Variants in DENND4A observed in about 807,000 individuals in gnomAD.
DENND4A encodes C-myc promoter-binding protein.
DENND4A carries 70 observed loss-of-function variants against 199.3 expected under a neutral mutation model. That is an observed-to-expected ratio of 0.35 (90% confidence interval 0.29 to 0.43). The LOEUF is 0.43. Among genes scored for constraint, DENND4A ranks in the 20% least tolerant of loss-of-function variants. The pLI, the probability that DENND4A is intolerant of heterozygous loss-of-function variation, is 1.00. For missense variants in DENND4A, 1,723 were observed against 2,255.8 expected, an observed-to-expected ratio of 0.76 and a Z score of 4.78; for synonymous variants, 686 against 766.9, an observed-to-expected ratio of 0.89 and a Z score of 1.74.
intron 23 of DENND4A, among the ~76,000 whole-genome samples, chr15:65,682,396 G>A (rs2076609898): frequency 1.3e-5 from 2 of 152,168 alleles, no homozygotes; most frequent in Admixed American, 6.5e-5. Flanking sequence ...TAAACCTCAT[G>A]AGCCAACCTC....
chr15:65,742,968 C>T (rs1461943098), intron 4 of DENND4A, among the ~76,000 whole-genome samples: 1 of 152,076 alleles, frequency 6.6e-6, no homozygotes, highest in Admixed American at 6.6e-5. Flanking sequence ...ATTCCTTACA[C>T]AATCCATGCA....
rs71139423 is a variant in DENND4A at position 65,698,726 on chromosome 15, C to CTT, written c.2834-1345_2834-1344dup. ...AGGTTTTACACTATTTTAAGATAGC[C>CTT]TTTTTTTTTTTTTTTTTTTTTTTTT... On this transcript the variant is annotated intron_variant, in intron 20 of 32. Transcript: ENST00000443035. 6.0e-3 allele frequency among the ~76,000 whole-genome samples: 435 copies of CTT among 72,768 alleles called. 59 individuals carry two copies. The highest frequency in any genetic ancestry group is 7.6e-3 in the Non-Finnish European group (303 of 39,838). The allele number at this position is 72,768 out of a possible 152,430, so 47.7% of individuals were successfully genotyped here.
At chr15:65,765,577 A>G (rs1254804610) in intron 1 of DENND4A, among the ~76,000 whole-genome samples, 1 of 152,226 alleles carries the variant, frequency 6.6e-6, no homozygotes, top group African/African-American at 2.4e-5. Flanking sequence ...CACCTGTCTC[A>G]TCCTGATTTC....
chr15:65,731,358 A>G lies in DENND4A; in HGVS notation c.1166+284T>C, dbSNP rs114753216. ...CTTCAGAGGTTAATTAAAGCTAAAA[A>G]TAACTGTTCTCATCATCTACATACA... On this transcript the variant is annotated intron_variant, in intron 9 of 32. Transcript: ENST00000443035. 9.8e-4 allele frequency: 443 copies of G among 453,180 alleles called. 2 individuals are homozygous for G. The highest frequency in any genetic ancestry group is 7.8e-3 in the African/African-American group (392 of 50,426). The allele number at this position is 453,180 out of a possible 1,614,324, so 28.1% of individuals were successfully genotyped here. A position where few individuals can be genotyped will look rare whatever the true frequency, so the allele number is the denominator to read the frequency against.
intron 1 of DENND4A, among the ~76,000 whole-genome samples, chr15:65,765,947 T>C (rs2076972551): frequency 6.6e-6 from 1 of 152,144 alleles, no homozygotes; most frequent in African/African-American, 2.4e-5. Context: ...AAAACAATAC[T>C]TTCTTACAAA....
chr15:65,708,715 A>T (rs1423405500), intron 14 of DENND4A, among the ~76,000 whole-genome samples: 1 of 152,212 alleles, frequency 6.6e-6, no homozygotes, highest in Non-Finnish European at 1.5e-5. Context: ...ACAAGACATT[A>T]ATATGCTCAG....
intron 1 of DENND4A, among the ~76,000 whole-genome samples, chr15:65,768,676 T>G (rs2077045678): frequency 6.6e-6 from 1 of 152,100 alleles, no homozygotes; most frequent in Admixed American, 6.6e-5. Context: ...TCTGTATAGT[T>G]TTTCATTTTA....
At chr15:65,750,988 T>C (rs1475072961) in intron 4 of DENND4A, among the ~76,000 whole-genome samples, 1 of 152,154 alleles carries the variant, frequency 6.6e-6, no homozygotes, top group Non-Finnish European at 1.5e-5. Flanking sequence ...GGTCTGTTCT[T>C]GTATATCTAA....
At chr15:65,781,568 T>C (rs1335332582) in intron 1 of DENND4A, among the ~76,000 whole-genome samples, 2 of 151,968 alleles carry the variant, frequency 1.3e-5, no homozygotes, top group African/African-American at 2.4e-5. Flanking sequence ...GAGAGGGAGA[T>C]GGAAGAAATC....
intron 2 of DENND4A, among the ~76,000 whole-genome samples, chr15:65,757,494 T>C (rs1014251139): frequency 4.6e-5 from 7 of 152,128 alleles, no homozygotes; most frequent in Non-Finnish European, 1.0e-4. Context: ...CAAAGGACTA[T>C]ACTCCCAGCC....
Position 65,661,947 on chromosome 15 carries a change from G to A in DENND4A, c.5628C>T (p.Leu1876=). The change falls in exon 33 of 33, where the codon CTC becomes CTT. Residue 1876 remains leucine, a synonymous_variant. Coordinates refer to ENST00000443035, the MANE Select transcript of DENND4A (RefSeq NM_001320835.1). The part of the protein sequence containing the change: ...DKEYKMAYDR[L]TPSQVKSTHN... ...GTGTACTCTTGACTTGACTAGGTGT[G>A]AGACGATCGTATGCCATCTTGTACT... The A allele has an allele frequency of 6.2e-7, 1 of 1,613,196 alleles. No individual in the cohort carries two copies. The highest frequency in any genetic ancestry group is 1.1e-5 in the South Asian group (1 of 90,866).
At chr15:65,734,621 A>T (rs2076060323) in intron 7 of DENND4A, among the ~76,000 whole-genome samples, 2 of 152,124 alleles carry the variant, frequency 1.3e-5, no homozygotes, top group Admixed American at 1.3e-4. Context: ...CCACCCCTTC[A>T]ATTAAAGTAC....
chr15:65,668,461 G>A (rs377685010), intron 27 of DENND4A, among the ~76,000 whole-genome samples: 10 of 152,064 alleles, frequency 6.6e-5, no homozygotes, highest in East Asian at 2.0e-4. Flanking sequence ...TGCCCACCTC[G>A]GCCTCCCAAA....
At chr15:65,718,143 G>C (rs778104411) in intron 12 of DENND4A, 147 bp from the exon 13 acceptor site, 3 of 611,318 alleles carry the variant, frequency 4.9e-6, no homozygotes, top group Non-Finnish European at 8.2e-6. Flanking sequence ...CCTTAGCAAA[G>C]CTTGCCATAG....
rs1315693950 is a variant in DENND4A, at chr15:65,701,130, T to A, written c.2622A>T (p.Val874=). The change falls in exon 19 of 33, where the codon GTA becomes GTT. Residue 874 remains valine, a synonymous_variant. Transcript: ENST00000443035. The part of the protein sequence containing the change: ...SRSGYFLWTK[V]RNVVLGVTQF... ...GTGTTACTCCTAAAACAACATTTCT[T>A]ACTTTTGTCCAAAGAAAATAGCCAC... 1 of 1,610,770 alleles carries A rather than the reference T, an allele frequency of 6.2e-7. No homozygotes were observed. Among genetic ancestry groups the A allele is most frequent in the Admixed American group, 1.7e-5 (1 of 59,536 alleles).
chr15:65,724,536 A>G (rs1487185022), intron 11 of DENND4A, among the ~76,000 whole-genome samples: 2 of 152,186 alleles, frequency 1.3e-5, no homozygotes, highest in African/African-American at 4.8e-5. Context: ...ACCTTTTTAT[A>G]TTCCCTAAAC....
At chr15:65,715,668 A>G (rs1339930755) in intron 13 of DENND4A, 45 bp from the exon 14 acceptor site, 2 of 1,479,080 alleles carry the variant, frequency 1.4e-6, no homozygotes, top group South Asian at 1.3e-5. Flanking sequence ...AATATCATTC[A>G]TAGATTCACA....
chr15:65,706,054 C>T (rs1254548813), intron 15 of DENND4A, 37 bp downstream of exon 15: 20 of 1,475,146 alleles, frequency 1.4e-5, no homozygotes. Flanking sequence ...TGGATTGCTT[C>T]TCTCTTTCAA....
intron 1 of DENND4A, chr15:65,771,033 A>C: frequency 1.3e-6 from 1 of 762,962 alleles, no homozygotes; most frequent in South Asian, 2.2e-5. Context: ...GTAGGTCATA[A>C]ACAGTCCAAG....
Sources: gnomAD v4.1 joint callset for allele counts (sites outside exome capture counted in the v4.1 genomes callset) on GRCh38, gnomAD v4.1.1 for gene constraint, MANE v1.5 for transcripts, NCBI Gene and HGNC (gene_info 2026-07-23, HGNC 2026-07-21) for gene names.